PCDHGA12: variants seen among roughly 807,000 people sequenced by gnomAD.
The protein encoded by PCDHGA12 is protocadherin gamma subfamily A, 12.
In PCDHGA12, 43 loss-of-function variants were observed where a neutral mutation model predicts 61.1. The ratio of observed to expected loss-of-function variants is 0.70; its 90% confidence interval spans 0.55 to 0.91. The LOEUF (loss-of-function observed/expected upper bound fraction) is 0.91. Ranked by LOEUF, PCDHGA12 falls within the 40% of genes least tolerant of loss-of-function variation. PCDHGA12 has a pLI of 0.00. For synonymous variants in PCDHGA12, 520 were observed against 542.9 expected, an observed-to-expected ratio of 0.96 and a Z score of 0.59; for missense variants, 1,236 against 1,227.7, an observed-to-expected ratio of 1.01 and a Z score of -0.10.
At chr5:141,450,742 C>A (rs2098692216) in intron 1 of PCDHGA12, among the ~76,000 whole-genome samples, 1 of 152,118 alleles carries the variant, frequency 6.6e-6, no homozygotes, top group South Asian at 2.1e-4. Context: ...CCGCCTTGGC[C>A]TCCCAAAGTG....
At chr5:141,502,818 C>T (rs1209481886) in intron 2 of PCDHGA12, among the ~76,000 whole-genome samples, 1 of 150,836 alleles carries the variant, frequency 6.6e-6, no homozygotes, top group Non-Finnish European at 1.5e-5. Context: ...ACTGTCTTTT[C>T]CTTGGGGAAG....
chr5:141,463,910 A>G (rs2099071862), intron 1 of PCDHGA12, among the ~76,000 whole-genome samples: 1 of 152,178 alleles, frequency 6.6e-6, no homozygotes, highest in Admixed American at 6.5e-5. Flanking sequence ...CTAATAATAT[A>G]TCCTGGAAAT....
chr5:141,506,935 G>A (rs1375246477), intron 3 of PCDHGA12, among the ~76,000 whole-genome samples: 3 of 152,116 alleles, frequency 2.0e-5, no homozygotes, highest in African/African-American at 7.2e-5. Context: ...AACTTTAGGG[G>A]CCTCCTGTCA....
chr5:141,430,877 G>A lies in PCDHGA12; in HGVS notation c.118G>A (p.Glu40Lys), dbSNP rs1392342627. The A allele has an allele frequency of 3.1e-6, 5 of 1,600,678 alleles. No homozygotes were observed. Among genetic ancestry groups the A allele is most frequent in the African/African-American group, 2.7e-5 (2 of 74,328 alleles). The change falls in exon 1 of 4, where the codon GAG (glutamate) becomes AAG (lysine). Residue 40 changes from glutamate to lysine, a missense_variant. Glu to Lys is a moderately conservative substitution (Grantham distance 56). Transcript: ENST00000252085. ...QIRYSVPEEL[E>K]KGSRVGDISR... ...ACGCTATTCAGTTCCGGAAGAGCTG[G>A]AGAAAGGCTCTAGGGTGGGCGACAT...
intron 1 of PCDHGA12, among the ~76,000 whole-genome samples, chr5:141,434,221 G>T (rs760622311): frequency 6.6e-6 from 1 of 152,206 alleles, no homozygotes; most frequent in Admixed American, 6.5e-5. Flanking sequence ...TGTAAACAAA[G>T]TACGATTTCT....
At chr5:141,447,163 G>T (rs11167747) in intron 1 of PCDHGA12, among the ~76,000 whole-genome samples, 6,233 of 151,894 alleles carry the variant, frequency 0.041, 196 homozygotes, top group Admixed American at 0.075. Flanking sequence ...TGTTTAAGCG[G>T]GGTCTTGCTC....
chr5:141,489,641 C>T lies in PCDHGA12; in HGVS notation c.2425-5166C>T, dbSNP rs1356716387. On this transcript the variant is annotated intron_variant, in intron 1 of 3. Coordinates refer to ENST00000252085, the MANE Select transcript of PCDHGA12 (RefSeq NM_003735.3). This position sits in a 1 kb window ranked among gnomAD's most constrained non-coding sequence, Gnocchi z 4.5. The stretch of plus-strand genomic sequence containing the variant: ...CTCAATGACAACTCTCCTAGCTTTG[C>T]CACCCCTGAGCGAGAGATGCGCATC... The T allele has an allele frequency of 2.5e-6, 4 of 1,614,008 alleles. No individual in the cohort carries two copies. The highest frequency in any genetic ancestry group is 3.4e-6 in the Non-Finnish European group (4 of 1,180,012).
In PCDHGA12 at chr5:141,512,517, A is replaced by G. The variant is rs985434754; in HGVS notation, c.*1344A>G. ...GTCCCCAGTGCGCCCCCTAGTGGCC[A>G]TAGCCTGGTTAAAGTTCCCCAGTGC... On this transcript the variant is annotated 3_prime_UTR_variant, in exon 4 of 4. Coordinates refer to ENST00000252085, the MANE Select transcript of PCDHGA12 (RefSeq NM_003735.3). 3 of 152,938 alleles carry G rather than the reference A, an allele frequency of 2.0e-5. No individual in the cohort carries two copies. Among genetic ancestry groups the G allele is most frequent in the African/African-American group, 7.2e-5 (3 of 41,464 alleles). 9.5% of individuals were successfully genotyped at this position (152,938 alleles called of 1,614,324 possible).
In PCDHGA12 at chr5:141,511,346, C is replaced by T; in HGVS notation, c.*173C>T. 7.1e-7 allele frequency: 1 copy of T among 1,400,168 alleles called. No homozygotes were observed. The allele number at this position is 1,400,168 out of a possible 1,614,324, so 86.7% of individuals were successfully genotyped here. A position where few individuals can be genotyped will look rare whatever the true frequency, so the allele number is the denominator to read the frequency against. On this transcript the variant is annotated 3_prime_UTR_variant, in exon 4 of 4. Transcript: ENST00000252085. ...AGTGCCCAGTCAGCACCTACCCCTT[C>T]CCCCCCAGGGGGTTGAATATGCAAA...
chr5:141,502,062 A>G (rs530211521), intron 2 of PCDHGA12, among the ~76,000 whole-genome samples: 2 of 152,146 alleles, frequency 1.3e-5, no homozygotes, highest in South Asian at 4.2e-4. Flanking sequence ...TATTCCCATT[A>G]GCCCCCTTCA....
At chr5:141,443,980 T>A (rs2098412674) in intron 1 of PCDHGA12, among the ~76,000 whole-genome samples, 1 of 152,036 alleles carries the variant, frequency 6.6e-6, no homozygotes, top group South Asian at 2.1e-4. Context: ...CTAAGCTATG[T>A]TAATTTTATT....
rs2099735810 is a variant in PCDHGA12 at position 141,491,979 on chromosome 5, G to A, written c.2425-2828G>A. On this transcript the variant is annotated intron_variant, in intron 1 of 3. Transcript: ENST00000252085. This position sits in a 1 kb window ranked among gnomAD's most constrained non-coding sequence, Gnocchi z 6.9. ...CAAAAAAGGCCGGGGCCTCCTTCGA[G>A]CTTCCGGTGAATTTCGGGCGATTTC... 6.4e-6 allele frequency: 5 copies of A among 787,296 alleles called. No homozygotes were observed. Among genetic ancestry groups the A allele is most frequent in the Non-Finnish European group, 9.4e-6 (5 of 533,208 alleles). 48.8% of individuals were successfully genotyped at this position (787,296 alleles called of 1,614,324 possible).
intron 1 of PCDHGA12, among the ~76,000 whole-genome samples, chr5:141,492,090 C>T (rs751238997): frequency 1.4e-4 from 21 of 152,258 alleles, no homozygotes; most frequent in Admixed American, 6.5e-5. Flanking sequence ...GCACGCTTCG[C>T]CGGTCTGTAG....
At chr5:141,479,241 G>A (rs2099490987) in intron 1 of PCDHGA12, 1 of 152,174 alleles carries the variant, frequency 6.6e-6, no homozygotes, top group Non-Finnish European at 1.5e-5. Context: ...CAAACCCAAA[G>A]ATAACCATTT....
intron 1 of PCDHGA12, among the ~76,000 whole-genome samples, chr5:141,448,917 C>T (rs913804081): frequency 2.6e-5 from 4 of 152,130 alleles, no homozygotes; most frequent in African/African-American, 9.7e-5. Context: ...TGCACTCCAG[C>T]CTGGGCGACA....
chr5:141,512,917 T>C lies in PCDHGA12; in HGVS notation c.*1744T>C, dbSNP rs543880225. On this transcript the variant is annotated 3_prime_UTR_variant, in exon 4 of 4. Transcript: ENST00000252085. ...TGTGTCTCACGCAAGTTTTATACTCTAATATTTATATGGCTTTTTTTCTTC... is the reference window on the plus strand; with the variant it reads ...TGTGTCTCACGCAAGTTTTATACTCCAATATTTATATGGCTTTTTTTCTTC... The C allele has an allele frequency of 1.3e-5, 2 of 152,378 alleles. No individual in the cohort carries two copies. Among genetic ancestry groups the C allele is most frequent in the African/African-American group, 2.4e-5 (1 of 41,588 alleles). The allele number at this position is 152,378 out of a possible 1,614,324, so 9.4% of individuals were successfully genotyped here.
At chr5:141,500,348 A>G (rs2099799436) in intron 2 of PCDHGA12, among the ~76,000 whole-genome samples, 1 of 151,950 alleles carries the variant, frequency 6.6e-6, no homozygotes, top group Non-Finnish European at 1.5e-5. Context: ...AGCTGGGACT[A>G]CAGGCGCCCA....
At chr5:141,492,385 G>A (rs1224771842) in intron 1 of PCDHGA12, among the ~76,000 whole-genome samples, 1 of 152,208 alleles carries the variant, frequency 6.6e-6, no homozygotes, top group Non-Finnish European at 1.5e-5. Context: ...GGCCTGTTCC[G>A]GTCCACTCGC....
rs1486554010 is a variant in PCDHGA12 at position 141,431,630 on chromosome 5, G to C, written c.871G>C (p.Val291Leu). Reference sequence around the variant, plus strand: ...GTATGTGGACGACAAGGCGGCCCAAGTTTTCAAACTAGATTGTAATTCAGG... The same window carrying C: ...GTATGTGGACGACAAGGCGGCCCAACTTTTCAAACTAGATTGTAATTCAGG... ...FRYVDDKAAQ[V>L]FKLDCNSGTI... Residue 291 changes from valine (V) to leucine (L), a missense_variant, in exon 1 of 4, where the codon GTT becomes CTT. Transcript: ENST00000252085. This position sits in a 1 kb window ranked among gnomAD's most constrained non-coding sequence, Gnocchi z 4.8. 6.2e-7 allele frequency: 1 copy of C among 1,614,250 alleles called. No individual in the cohort carries two copies. Among genetic ancestry groups the C allele is most frequent in the East Asian group, 2.2e-5 (1 of 44,882 alleles).
Sources: allele counts gnomAD v4.1 joint callset (sites outside exome capture counted in the v4.1 genomes callset), GRCh38; gene constraint gnomAD v4.1.1; non-coding constraint Gnocchi (gnomAD v3.1); transcripts MANE v1.5; gene names NCBI Gene and HGNC (gene_info 2026-07-23, HGNC 2026-07-21).